Variants in ATP2B2 observed in about 807,000 individuals in gnomAD.
The protein encoded by ATP2B2 is plasma membrane calcium-transporting ATPase 2.
In ATP2B2, 15 loss-of-function variants were observed where a neutral mutation model predicts 120.0. The observed-to-expected ratio is 0.12, with a 90% CI of 0.08 to 0.19. The LOEUF (loss-of-function observed/expected upper bound fraction) is 0.19. Among genes scored for constraint, ATP2B2 ranks in the 10% least tolerant of loss-of-function variants. The probability of loss-of-function intolerance (pLI) is 1.00; values close to 1 mark genes in which losing one functional copy is unlikely to be tolerated. For synonymous variants in ATP2B2, 694 were observed against 700.3 expected, an observed-to-expected ratio of 0.99 and a Z score of 0.14; for missense variants, 1,045 against 1,719.8, an observed-to-expected ratio of 0.61 and a Z score of 6.94.
chr3:10,389,481 A>G (rs2061781323), intron 5 of ATP2B2, among the ~76,000 whole-genome samples: 1 of 152,212 alleles, frequency 6.6e-6, no homozygotes, highest in African/African-American at 2.4e-5. Context: ...TACTGCAGTA[A>G]GTAAGTGAGC....
chr3:10,388,334 T>G lies in ATP2B2; in HGVS notation c.850A>C (p.Ile284Leu). ...TAVGVNSQTG[I>L]IFTLLGAGGE... ...CCAGCCCCCAGGAGGGTAAAGATGA[T>G]GCCAGTCTGAGAGTTCACACCCACA... Residue 284 changes from isoleucine to leucine, a missense_variant, in exon 6 of 23, where the codon ATC becomes CTC. This residue lies in a region of ATP2B2 where 145 missense variants were observed against 202.0 expected (regional missense o/e 0.72). Coordinates refer to ENST00000360273, the MANE Select transcript of ATP2B2 (RefSeq NM_001001331.4). The G allele has an allele frequency of 6.2e-7, 1 of 1,614,180 alleles. No homozygotes were observed.
chr3:10,467,937 C>T (rs1187453696), intron 1 of ATP2B2, among the ~76,000 whole-genome samples: 2 of 152,166 alleles, frequency 1.3e-5, no homozygotes, highest in Non-Finnish European at 2.9e-5. Context: ...AGCCGAGGTG[C>T]AGGGAGGTGG....
rs140636443 is a variant in ATP2B2, at chr3:10,494,643, C to T, written c.-320+10822G>A. Among the ~76,000 whole-genome samples, 460 of 152,300 alleles carry T rather than the reference C, an allele frequency of 3.0e-3. 1 individual carries two copies. The highest frequency in any genetic ancestry group is 0.01 in the African/African-American group (433 of 41,560). The stretch of plus-strand genomic sequence containing the variant: ...ACACTGCTCAAAGGACACTAACTGA[C>T]CAGCACCCAATCATGTTCTATTGCT... On this transcript the variant is annotated intron_variant, in intron 1 of 22. Transcript: ENST00000360273.
intron 3 of ATP2B2, among the ~76,000 whole-genome samples, chr3:10,512,493 C>CACAG (rs2066790584): frequency 6.6e-6 from 1 of 151,936 alleles, no homozygotes; most frequent in African/African-American, 2.4e-5. Flanking sequence ...CACACACACA[C>CACAG]ACACACACAC....
chr3:10,707,603 G>C (rs192363721), intron 1 of ATP2B2, among the ~76,000 whole-genome samples: 3 of 152,054 alleles, frequency 2.0e-5, no homozygotes, highest in Non-Finnish European at 4.4e-5. Context: ...GGGCTGCTCC[G>C]AGCCCGGAAA....
At chr3:10,436,353 G>A (rs144782594) in intron 2 of ATP2B2, among the ~76,000 whole-genome samples, 10 of 152,258 alleles carry the variant, frequency 6.6e-5, no homozygotes, top group South Asian at 2.1e-4. Flanking sequence ...TAGAAATACC[G>A]TATAATGGTG....
chr3:10,530,936 C>T lies in ATP2B2; in HGVS notation c.-320+3103G>A, dbSNP rs62238450. ...TTTCTGCTGGGGAGGATTTAGTTGT[C>T]GTTCTGGCACAGTCTTGGGGTAAAA... On this transcript the variant is annotated intron_variant, in intron 3 of 21. Coordinates refer to the ATP2B2 transcript ENST00000646379. 6.1e-3 allele frequency among the ~76,000 whole-genome samples: 928 copies of T among 152,320 alleles called. 7 individuals are homozygous for T. Among genetic ancestry groups the T allele is most frequent in the Non-Finnish European group, 8.0e-3 (547 of 68,028 alleles).
At chr3:10,639,116 C>T (rs187807902) in intron 1 of ATP2B2, among the ~76,000 whole-genome samples, 103 of 152,208 alleles carry the variant, frequency 6.8e-4, no homozygotes, top group African/African-American at 2.4e-3. Flanking sequence ...ATGTACATCA[C>T]CAAAAGCACC....
chr3:10,595,817 C>T (rs151115410), intron 2 of ATP2B2, among the ~76,000 whole-genome samples: 1 of 152,104 alleles, frequency 6.6e-6, no homozygotes, highest in African/African-American at 2.4e-5. Flanking sequence ...GGAATAAAAT[C>T]CAAACTCCTT....
At chr3:10,448,496 C>T (rs1575257041) in intron 2 of ATP2B2, among the ~76,000 whole-genome samples, 1 of 152,296 alleles carries the variant, frequency 6.6e-6, no homozygotes, top group East Asian at 1.9e-4. Context: ...GGTACCCAAG[C>T]TGGGCTGACT....
chr3:10,332,134 A>C (rs2059997366), intron 22 of ATP2B2: 4 of 1,048,026 alleles, frequency 3.8e-6, no homozygotes, highest in South Asian at 2.7e-5. Flanking sequence ...GGTTGCACTA[A>C]ATTAGTTACC....
chr3:10,557,063 C>G (rs2067796529), intron 2 of ATP2B2, among the ~76,000 whole-genome samples: 1 of 152,176 alleles, frequency 6.6e-6, no homozygotes, highest in Non-Finnish European at 1.5e-5. Flanking sequence ...TGCCATGAGT[C>G]ACTCTGAGTC....
intron 1 of ATP2B2, among the ~76,000 whole-genome samples, chr3:10,482,265 C>T (rs2065445211): frequency 1.3e-5 from 2 of 152,170 alleles, no homozygotes. Context: ...GATAAGAAGC[C>T]TGAAGCTTCA....
At chr3:10,600,533 A>T (rs2068880191) in intron 2 of ATP2B2, among the ~76,000 whole-genome samples, 1 of 152,228 alleles carries the variant, frequency 6.6e-6, no homozygotes, top group African/African-American at 2.4e-5. Context: ...ACCATGGGGT[A>T]AAACAAAAGG....
intron 1 of ATP2B2, among the ~76,000 whole-genome samples, chr3:10,482,546 A>G (rs951581399): frequency 2.6e-5 from 4 of 152,170 alleles, no homozygotes; most frequent in African/African-American, 9.7e-5. Context: ...GGGCAGTGCC[A>G]TGGCTAGGGT....
At chr3:10,677,647 A>G (rs186677717) in intron 1 of ATP2B2, among the ~76,000 whole-genome samples, 1 of 152,282 alleles carries the variant, frequency 6.6e-6, no homozygotes, top group East Asian at 1.9e-4. Context: ...GAGGGAGTCT[A>G]TGGGACCTCT....
chr3:10,391,875 C>T (rs540329577), intron 5 of ATP2B2, among the ~76,000 whole-genome samples: 10 of 152,208 alleles, frequency 6.6e-5, no homozygotes, highest in East Asian at 1.9e-4. Context: ...GACACTGAGT[C>T]CTGTCTCGTG....
chr3:10,662,347 C>A lies in ATP2B2; in HGVS notation c.-459-42386G>T, dbSNP rs1272144777. On this transcript the variant is annotated intron_variant, in intron 1 of 21. Transcript: ENST00000646379. Reference sequence around the variant, plus strand: ...AAATTTTTGCAACCTACTCATCTGACAAAGGGCTAATATCCAGAATCTACA... The same window carrying A: ...AAATTTTTGCAACCTACTCATCTGAAAAAGGGCTAATATCCAGAATCTACA... 2.0e-5 allele frequency among the ~76,000 whole-genome samples: 3 copies of A among 150,872 alleles called. No individual in the cohort carries two copies. In the East Asian group the frequency reaches 5.8e-4, roughly 29 times the overall value.
At chr3:10,578,664 C>A (rs2068312091) in intron 2 of ATP2B2, among the ~76,000 whole-genome samples, 1 of 152,164 alleles carries the variant, frequency 6.6e-6, no homozygotes, top group Admixed American at 6.5e-5. Flanking sequence ...CCCAAATGCC[C>A]ACCCACAAGA....
Sources: gnomAD v4.1 joint callset for allele counts (sites outside exome capture counted in the v4.1 genomes callset) on GRCh38, gnomAD v4.1.1 for gene constraint, gnomAD v4.1.1 regional missense constraint, MANE v1.5 for transcripts, NCBI Gene and HGNC (gene_info 2026-07-23, HGNC 2026-07-21) for gene names.